BDP1: variants seen among roughly 807,000 people sequenced by gnomAD.
BDP1 encodes BDP1 general transcription factor IIIB subunit, also known as transcription factor TFIIIB component B'' homolog.
In BDP1, 169 loss-of-function variants were observed where a neutral mutation model predicts 266.6. The ratio of observed to expected loss-of-function variants is 0.63; its 90% confidence interval spans 0.56 to 0.72. The LOEUF (loss-of-function observed/expected upper bound fraction) is 0.72, where lower values mean the gene tolerates loss of function less well. Among genes scored for constraint, BDP1 ranks in the 30% least tolerant of loss-of-function variants. The pLI is 0.00. For synonymous variants in BDP1, 1,090 were observed against 1,022.4 expected, an observed-to-expected ratio of 1.07 and a Z score of -1.26; for missense variants, 3,015 against 3,053.8, an observed-to-expected ratio of 0.99 and a Z score of 0.30.
At chr5:71,537,149 C>CAAAAAAAAAAAAAAAAAAAAAA (rs70992979) in intron 26 of BDP1, among the ~76,000 whole-genome samples, 9 of 82,426 alleles carry the variant, frequency 1.1e-4, no homozygotes, top group East Asian at 4.2e-4. Context: ...ACCAAAAAAC[C>CAAAAAAAAAAAAAAAAAAAAAA]AAAAAAAAAA....
In BDP1 at chr5:71,467,364, G is replaced by A. The variant is rs1579988098; in HGVS notation, c.796G>A (p.Glu266Lys). ...IILDEESLTV[E>K]VLRTKGPCVV... is the part of the protein sequence containing the mutation. ...ATGTGTTTATTTCAGTTTAACTGTA[G>A]AAGTTTTAAGAACAAAAGGCCCTTG... The change falls in exon 6 of 39, where the codon GAA (glutamate) becomes AAA (lysine). Residue 266 changes from glutamate to lysine, a missense_variant. Physicochemically the swap from Glu to Lys is moderately conservative, Grantham distance 56. Coordinates refer to ENST00000358731, the MANE Select transcript of BDP1 (RefSeq NM_018429.3). 1 of 1,603,806 alleles carries A rather than the reference G, an allele frequency of 6.2e-7. No individual in the cohort carries two copies. Among genetic ancestry groups the A allele is most frequent in the Non-Finnish European group, 8.5e-7 (1 of 1,174,036 alleles).
intron 20 of BDP1, 32 bp downstream of exon 20, chr5:71,515,154 T>C: frequency 1.4e-6 from 2 of 1,461,366 alleles, no homozygotes; most frequent in Non-Finnish European, 1.8e-6. Flanking sequence ...CAATATAAAA[T>C]AAGAGAGATA....
rs747870014 is a variant in BDP1 at position 71,464,085 on chromosome 5, T to A, written c.627T>A (p.Thr209=). 3.8e-6 allele frequency: 6 copies of A among 1,580,274 alleles called. No homozygotes were observed. The highest frequency in any genetic ancestry group is 5.2e-6 in the Non-Finnish European group (6 of 1,161,224). Residue 209 remains threonine (T), a synonymous_variant, in exon 4 of 39, where the codon ACT becomes ACA. Coordinates refer to ENST00000358731, the MANE Select transcript of BDP1 (RefSeq NM_018429.3). ...CTTCACTGGAACAAGAAAAGAAAAC[T>A]GAAAAGCCATCGACTCCAGTCCAGA... ...MTSSLEQEKK[T]EKPSTPVQTR... is the part of the protein sequence containing the mutation.
intron 6 of BDP1, among the ~76,000 whole-genome samples, chr5:71,468,936 G>A (rs535825380): frequency 2.9e-4 from 44 of 152,186 alleles, no homozygotes; most frequent in African/African-American, 1.0e-3. Flanking sequence ...TGCGAATAAT[G>A]TTCTACCTCA....
chr5:71,491,048 C>T lies in BDP1; in HGVS notation c.1557C>T (p.Ser519=). The T allele has an allele frequency of 6.2e-7, 1 of 1,614,042 alleles. No homozygotes were observed. Among genetic ancestry groups the T allele is most frequent in the Non-Finnish European group, 8.5e-7 (1 of 1,179,938 alleles). The change falls in exon 11 of 39, where the codon TCC becomes TCT. Residue 519 remains serine (S), a synonymous_variant. Coordinates refer to ENST00000358731, the MANE Select transcript of BDP1 (RefSeq NM_018429.3). Reference sequence around the variant, plus strand: ...AATGCAGTAAGGAGCAGATGCTTTCCTGCACACAAAACATAGATGGCATTG... The same window carrying T: ...AATGCAGTAAGGAGCAGATGCTTTCTTGCACACAAAACATAGATGGCATTG... ...EGECSKEQML[S]CTQNIDGIVG...
Position 71,480,997 on chromosome 5 carries a change from A to G in BDP1, c.1015-2845A>G, listed in dbSNP as rs189129297. ...AAAGACCATCCTGGCTAACACAGAA[A>G]CCCTGTCTCTACTAAAAATGTGAAA... is the stretch of plus-strand genomic sequence containing the variant. On this transcript the variant is annotated intron_variant, in intron 7 of 38. Coordinates refer to ENST00000358731, the MANE Select transcript of BDP1 (RefSeq NM_018429.3). Among the ~76,000 whole-genome samples the G allele has an allele frequency of 3.2e-4, 48 of 152,086 alleles. 1 individual carries two copies. The highest frequency in any genetic ancestry group is 9.6e-4 in the African/African-American group (40 of 41,516).
intron 34 of BDP1, among the ~76,000 whole-genome samples, chr5:71,551,699 C>G (rs887430989): frequency 6.6e-6 from 1 of 151,660 alleles, no homozygotes; most frequent in African/African-American, 2.4e-5. Context: ...GGCAGAGGCG[C>G]CCCTCACTTC....
chr5:71,527,068 C>T (rs979246076), intron 25 of BDP1, among the ~76,000 whole-genome samples: 1 of 151,992 alleles, frequency 6.6e-6, no homozygotes, highest in African/African-American at 2.4e-5. Context: ...TCACTACCAT[C>T]CATCCACAGA....
chr5:71,545,897 G>A (rs1742269041), intron 32 of BDP1, among the ~76,000 whole-genome samples: 1 of 151,910 alleles, frequency 6.6e-6, no homozygotes, highest in South Asian at 2.1e-4. Flanking sequence ...CTACTCAGGA[G>A]GCTGAAGTGG....
intron 2 of BDP1, among the ~76,000 whole-genome samples, chr5:71,461,434 A>G (rs1761556692): frequency 6.6e-6 from 1 of 150,972 alleles, no homozygotes; most frequent in African/African-American, 2.4e-5. Context: ...GGGAGACTCC[A>G]TCTCTACCAA....
At chr5:71,482,377 G>A (rs1234190974) in intron 7 of BDP1, among the ~76,000 whole-genome samples, 1 of 152,178 alleles carries the variant, frequency 6.6e-6, no homozygotes, top group Admixed American at 6.5e-5. Context: ...CCTTCTCTCC[G>A]TGATTGTAGT....
intron 17 of BDP1, 168 bp downstream of exon 17, chr5:71,511,319 A>G (rs930208614): frequency 4.8e-5 from 32 of 666,584 alleles, no homozygotes; most frequent in South Asian, 1.3e-4. Flanking sequence ...AAGAAACTGT[A>G]TGTTCTTTTT....
intron 22 of BDP1, among the ~76,000 whole-genome samples, chr5:71,519,824 AC>A (rs1309146059): frequency 1.3e-5 from 2 of 152,182 alleles, no homozygotes; most frequent in Non-Finnish European, 2.9e-5. Context: ...TTTTGGACAT[AC>A]ACCTGGCAGT....
intron 26 of BDP1, among the ~76,000 whole-genome samples, chr5:71,538,745 T>C (rs981095217): frequency 1.3e-5 from 2 of 152,140 alleles, no homozygotes; most frequent in African/African-American, 4.8e-5. Context: ...TGAAGGATTA[T>C]GAAAATGAAG....
At chr5:71,456,848 C>T (rs767159270) in intron 1 of BDP1, among the ~76,000 whole-genome samples, 3 of 152,168 alleles carry the variant, frequency 2.0e-5, no homozygotes, top group Non-Finnish European at 4.4e-5. Flanking sequence ...AAGATGGTCT[C>T]TGTTTCTATA....
downstream of BDP1, chr5:71,567,844 G>A (rs1376822198): frequency 1.3e-5 from 2 of 152,054 alleles, no homozygotes; most frequent in Non-Finnish European, 2.9e-5. Flanking sequence ...CTTTTAAGAT[G>A]ACTAAATAAA....
chr5:71,456,085 A>AG lies in BDP1; in HGVS notation c.209dup (p.Ser70ArgfsTer4). 6.2e-7 allele frequency: 1 copy of AG among 1,612,676 alleles called. No individual in the cohort carries two copies. Among genetic ancestry groups the AG allele is most frequent in the Non-Finnish European group, 8.5e-7 (1 of 1,179,828 alleles). On this transcript the variant is annotated frameshift_variant, in exon 1 of 39. Coordinates refer to ENST00000358731, the MANE Select transcript of BDP1 (RefSeq NM_018429.3). LOFTEE classifies it high-confidence loss of function. Reference sequence around the variant, plus strand: ...GGAGCCCCAAGAAAAGGCTCCTAGGAGCAGGTAAGAGGTTGCAGAGGGAAG... The same window carrying AG: ...GGAGCCCCAAGAAAAGGCTCCTAGGAGGCAGGTAAGAGGTTGCAGAGGGAAG...
intron 7 of BDP1, among the ~76,000 whole-genome samples, chr5:71,471,159 T>TTTA (rs1762222382): frequency 6.8e-6 from 1 of 147,810 alleles, no homozygotes; most frequent in South Asian, 2.2e-4. Context: ...TTTTTTTTTT[T>TTTA]TGAGATGGAG....
At chr5:71,516,035 G>C in intron 20 of BDP1, 26 bp from the exon 21 acceptor site, 1 of 1,552,494 alleles carries the variant, frequency 6.4e-7, no homozygotes, top group Non-Finnish European at 8.8e-7. Context: ...CAAGCGCCCT[G>C]CCTTTCTCCC....
Sources: gnomAD v4.1 joint callset for allele counts (sites outside exome capture counted in the v4.1 genomes callset) on GRCh38, gnomAD v4.1.1 for gene constraint, MANE v1.5 for transcripts, NCBI Gene and HGNC (gene_info 2026-07-23, HGNC 2026-07-21) for gene names.